HIPK2: variants seen among roughly 807,000 people sequenced by gnomAD.
HIPK2 encodes the protein homeodomain interacting protein kinase 2, also known as homeodomain-interacting protein kinase 2.
HIPK2 carries 27 observed loss-of-function variants against 113.7 expected under a neutral mutation model. The ratio of observed to expected loss-of-function variants is 0.24; its 90% CI spans 0.17 to 0.33. HIPK2 has a LOEUF of 0.33. Among genes scored for constraint, HIPK2 ranks in the 10% least tolerant of loss-of-function variants. The probability of loss-of-function intolerance (pLI) is 1.00; values close to 1 mark genes in which losing one functional copy is unlikely to be tolerated. For synonymous variants in HIPK2, 631 were observed against 642.2 expected (o/e 0.98, Z 0.26); for missense variants, 1,257 against 1,588.0 (o/e 0.79, Z 3.54).
intron 10 of HIPK2, among the ~76,000 whole-genome samples, chr7:139,603,493 G>T (rs750783147): frequency 2.6e-4 from 39 of 152,124 alleles, no homozygotes; most frequent in Non-Finnish European, 5.1e-4. Context: ...GCAGTCAGGT[G>T]GACGCCTCTG....
intron 2 of HIPK2, among the ~76,000 whole-genome samples, chr7:139,690,506 C>T (rs899752175): frequency 1.3e-5 from 2 of 152,052 alleles, no homozygotes; most frequent in African/African-American, 4.8e-5. Flanking sequence ...TAAATGAGTT[C>T]TTGCTCTATT....
chr7:139,632,827 C>T (rs957551241), intron 2 of HIPK2, among the ~76,000 whole-genome samples: 21 of 152,054 alleles, frequency 1.4e-4, no homozygotes, highest in African/African-American at 3.9e-4. Context: ...CCTGTTATCC[C>T]AGCACTTTGG....
Position 139,672,600 on chromosome 7 carries a change from C to T in HIPK2, c.1104-40875G>A, listed in dbSNP as rs1802343741. Among the ~76,000 whole-genome samples, 9 of 152,072 alleles carry T rather than the reference C, an allele frequency of 5.9e-5. No individual in the cohort carries two copies. The South Asian group carries it at 1.9e-3, about 32-fold the overall frequency. On this transcript the variant is annotated intron_variant, in intron 2 of 14. Transcript: ENST00000406875. The stretch of plus-strand genomic sequence containing the variant: ...CCTGCCTCAGCCTCCTGAGTAGCTA[C>T]AGGCGCTGCCACCACGCCCGCCTAA...
In HIPK2 at chr7:139,569,929, C is replaced by T. The variant is rs540793418; in HGVS notation, c.*2998G>A. The T allele has an allele frequency of 1.3e-5, 2 of 152,056 alleles. No individual in the cohort carries two copies. Among genetic ancestry groups the T allele is most frequent in the African/African-American group, 2.4e-5 (1 of 41,456 alleles). The allele number at this position is 152,056 out of a possible 1,614,324, so 9.4% of individuals were successfully genotyped here. On this transcript the variant is annotated 3_prime_UTR_variant, in exon 15 of 15. Transcript: ENST00000406875. ...ACAATGGTAATAAAAATAATTAGTA[C>T]AATAATATTATCTTTATGAGCAGCA...
intron 2 of HIPK2, among the ~76,000 whole-genome samples, chr7:139,704,232 C>T (rs1484962973): frequency 5.0e-5 from 1 of 19,986 alleles, no homozygotes; most frequent in East Asian, 1.6e-3. Flanking sequence ...CACACTACAC[C>T]CAACACATGC....
In HIPK2 at chr7:139,572,792, C is replaced by CCCCCT; in HGVS notation, c.*134_*135insAGGGG. ...CCCCCCCCCCCCCCCGCCCCTGCCC[C>CCCCCT]GTTTGCATTGTTTGTGTGCGGCATC... On this transcript the variant is annotated 3_prime_UTR_variant, in exon 15 of 15. Coordinates refer to ENST00000406875, the MANE Select transcript of HIPK2 (RefSeq NM_022740.5). 2 of 183,674 alleles carry CCCCCT rather than the reference C, an allele frequency of 1.1e-5. No homozygotes were observed. The highest frequency in any genetic ancestry group is 2.1e-5 in the Non-Finnish European group (2 of 97,446). The allele number at this position is 183,674 out of a possible 1,614,324, so 11.4% of individuals were successfully genotyped here. A position where few individuals can be genotyped will look rare whatever the true frequency, so the allele number is the denominator to read the frequency against.
At chr7:139,673,436 C>T (rs536789156) in intron 2 of HIPK2, among the ~76,000 whole-genome samples, 3 of 152,264 alleles carry the variant, frequency 2.0e-5, no homozygotes, top group Admixed American at 1.3e-4. Context: ...TCTGAGCATA[C>T]GGCCAAATTC....
rs1241352760 is a variant in HIPK2 at position 139,567,343 on chromosome 7, G to A, written c.*5584C>T. The A allele has an allele frequency of 6.6e-6, 1 of 151,922 alleles. No homozygotes were observed. The highest frequency in any genetic ancestry group is 1.9e-4 in the East Asian group (1 of 5,188). The allele number at this position is 151,922 out of a possible 1,614,324, so 9.4% of individuals were successfully genotyped here. A position where few individuals can be genotyped will look rare whatever the true frequency, so the allele number is the denominator to read the frequency against. On this transcript the variant is annotated 3_prime_UTR_variant, in exon 15 of 15. Transcript: ENST00000406875. ...GTCTCCCGATAGCAGCAGCATCGAA[G>A]GGGTCACCTCCACTCCTCTTAAAAG...
At chr7:139,717,717 C>T (rs1345698194) in intron 1 of HIPK2, among the ~76,000 whole-genome samples, 1 of 149,530 alleles carries the variant, frequency 6.7e-6, no homozygotes. Context: ...CTAGAAAGTA[C>T]TATTTCTTTT....
intron 2 of HIPK2, among the ~76,000 whole-genome samples, chr7:139,648,263 A>T (rs1216057637): frequency 6.6e-6 from 1 of 152,252 alleles, no homozygotes; most frequent in African/African-American, 2.4e-5. Context: ...CTAAGTGAAC[A>T]ATTCTGCCTA....
intron 1 of HIPK2, among the ~76,000 whole-genome samples, chr7:139,730,064 A>G (rs1795724656): frequency 6.6e-6 from 1 of 152,208 alleles, no homozygotes; most frequent in Non-Finnish European, 1.5e-5. Context: ...GACTTTTCCT[A>G]TCCTTTAGAA....
intron 11 of HIPK2, among the ~76,000 whole-genome samples, chr7:139,599,414 T>C (rs1799341820): frequency 6.6e-6 from 1 of 152,254 alleles, no homozygotes; most frequent in African/African-American, 2.4e-5. Flanking sequence ...TACTGGTCTC[T>C]GGCAAGCCCT....
rs781288561 is a variant in HIPK2, at chr7:139,614,512, T to TTAAACAAAAA, written c.1783-29_1783-20dup. On this transcript the variant is annotated intron_variant, in intron 7 of 14. Coordinates refer to ENST00000406875, the MANE Select transcript of HIPK2 (RefSeq NM_022740.5). ...AGGGAGCCTAAAGGAGTGATGGGGA[T>TTAAACAAAAA]TAAACAAAAATAAACAAAAATAAAA... 1 of 1,331,220 alleles carries TTAAACAAAAA rather than the reference T, an allele frequency of 7.5e-7. No individual in the cohort carries two copies. The highest frequency in any genetic ancestry group is 3.0e-5 in the Admixed American group (1 of 33,224). The allele number at this position is 1,331,220 out of a possible 1,614,324, so 82.5% of individuals were successfully genotyped here.
intron 1 of HIPK2, among the ~76,000 whole-genome samples, chr7:139,718,342 C>T (rs1011480280): frequency 6.6e-6 from 1 of 152,202 alleles, no homozygotes; most frequent in Non-Finnish European, 1.5e-5. Context: ...TCCTGTCTCT[C>T]TGAGCCCCTG....
chr7:139,731,738 A>G (rs761977591), intron 1 of HIPK2, among the ~76,000 whole-genome samples: 1 of 152,158 alleles, frequency 6.6e-6, no homozygotes, highest in Non-Finnish European at 1.5e-5. Context: ...GCTCTCTTTA[A>G]ATACAGGATT....
intron 1 of HIPK2, among the ~76,000 whole-genome samples, chr7:139,746,275 C>T (rs185072656): frequency 1.3e-5 from 2 of 152,334 alleles, no homozygotes; most frequent in East Asian, 1.9e-4. Context: ...GGGGCAACCT[C>T]GAGCTTGCTC....
In HIPK2 at chr7:139,714,258, A is replaced by AAGGGAAG. The variant is rs1186783541; in HGVS notation, c.1103+1667_1103+1673dup. 2.0e-5 allele frequency among the ~76,000 whole-genome samples: 3 copies of AAGGGAAG among 152,204 alleles called. No individual in the cohort carries two copies. The highest frequency in any genetic ancestry group is 7.2e-5 in the African/African-American group (3 of 41,450). ...GTTCTAACTCAGGAAATGCCTCCTA[A>AAGGGAAG]AGGGAAGAGGGAAGAGACAGAAACA... On this transcript the variant is annotated intron_variant, in intron 2 of 14. Coordinates refer to ENST00000406875, the MANE Select transcript of HIPK2 (RefSeq NM_022740.5). This position sits in a 1 kb window ranked among gnomAD's most constrained non-coding sequence, Gnocchi z 4.2.
At chr7:139,711,711 G>A (rs1795073973) in intron 2 of HIPK2, among the ~76,000 whole-genome samples, 1 of 151,472 alleles carries the variant, frequency 6.6e-6, no homozygotes, top group African/African-American at 2.4e-5. Context: ...TGCTGATAAT[G>A]GAAATACCCC....
At chr7:139,598,739 C>T (rs1416271494) in intron 11 of HIPK2, among the ~76,000 whole-genome samples, 1 of 152,250 alleles carries the variant, frequency 6.6e-6, no homozygotes, top group Non-Finnish European at 1.5e-5. Flanking sequence ...AGGGTTCTTA[C>T]TGCCCCTACT....
Sources: allele counts gnomAD v4.1 joint callset (sites outside exome capture counted in the v4.1 genomes callset), GRCh38; gene constraint gnomAD v4.1.1; non-coding constraint Gnocchi (gnomAD v3.1); transcripts MANE v1.5; gene names NCBI Gene and HGNC (gene_info 2026-07-23, HGNC 2026-07-21).